The following CDC20B variants were observed in gnomAD, a reference collection of about 807,000 sequenced individuals.
The protein encoded by CDC20B is cell division cycle protein 20 homolog B.
Under a neutral mutation model 64.1 loss-of-function variants are expected in CDC20B, and 58 were observed. The ratio of observed to expected loss-of-function variants is 0.90; its 90% confidence interval spans 0.73 to 1.13. The LOEUF (loss-of-function observed/expected upper bound fraction) is 1.13, where lower values mean the gene tolerates loss of function less well. CDC20B is among the 50% of genes most tolerant of loss of function. The pLI, the probability that CDC20B is intolerant of heterozygous loss-of-function variation, is 0.00. For synonymous variants in CDC20B, 243 were observed against 230.6 expected (o/e 1.05, Z -0.49); for missense variants, 597 against 633.0 (o/e 0.94, Z 0.61).
At chr5:55,159,284 T>G (rs1210377651) in intron 2 of CDC20B, among the ~76,000 whole-genome samples, 1 of 152,232 alleles carries the variant, frequency 6.6e-6, no homozygotes, top group Admixed American at 6.5e-5. Flanking sequence ...CCCAAAGTGC[T>G]GGGATTACAG....
In CDC20B at chr5:55,114,830, G is replaced by C. The variant is rs1402493723; in HGVS notation, c.1460-512C>G. Among the ~76,000 whole-genome samples the C allele has an allele frequency of 2.0e-5, 3 of 152,154 alleles. No individual in the cohort carries two copies. The highest frequency in any genetic ancestry group is 4.4e-5 in the Non-Finnish European group (3 of 68,018). On this transcript the variant is annotated intron_variant, in intron 11 of 11. Transcript: ENST00000381375. The surrounding 1 kb of genome is among the most constrained non-coding windows in gnomAD (Gnocchi z 4.1). ...CTTGCCATTGGATTTAGGGCCACCT[G>C]GATAATCCAGGATGATTTTATTTCC...
chr5:55,173,003 C>G lies in CDC20B; in HGVS notation c.-3G>C. The G allele has an allele frequency of 6.2e-7, 1 of 1,610,662 alleles. No individual in the cohort carries two copies. Among genetic ancestry groups the G allele is most frequent in the East Asian group, 2.2e-5 (1 of 44,752 alleles). On this transcript the variant is annotated 5_prime_UTR_variant, in exon 1 of 12. Transcript: ENST00000381375. The stretch of plus-strand genomic sequence containing the variant: ...GTGCGCTCCAGTTTCCACTCCATCT[C>G]CGGCTGACTTCGCCCTGCCTGGCGT...
Position 55,114,345 on chromosome 5 carries a change from T to TGG in CDC20B, c.1460-28_1460-27insCC. On this transcript the variant is annotated intron_variant, in intron 11 of 11. Coordinates refer to ENST00000381375, the MANE Select transcript of CDC20B (RefSeq NM_001170402.1). The surrounding 1 kb of genome is among the most constrained non-coding windows in gnomAD (Gnocchi z 4.1). Reference sequence around the variant, plus strand: ...TGGGGGAAGAAGGAAAGACAGTTCATACTCCTCCACGTTACATGGGCTGCT... The same window carrying TGG: ...TGGGGGAAGAAGGAAAGACAGTTCATGGACTCCTCCACGTTACATGGGCTGCT... 1 of 1,612,020 alleles carries TGG rather than the reference T, an allele frequency of 6.2e-7. No homozygotes were observed. The highest frequency in any genetic ancestry group is 1.1e-5 in the South Asian group (1 of 90,782).
chr5:55,117,293 C>T (rs1003619679), intron 11 of CDC20B, among the ~76,000 whole-genome samples: 17 of 152,218 alleles, frequency 1.1e-4, no homozygotes, highest in Middle Eastern at 3.4e-3. Flanking sequence ...TAACAGGGTA[C>T]GGCTTAGTAA....
chr5:55,150,117 A>G (rs1743620490), intron 2 of CDC20B, among the ~76,000 whole-genome samples: 2 of 152,196 alleles, frequency 1.3e-5, no homozygotes, highest in Non-Finnish European at 2.9e-5. Flanking sequence ...GGGCAACAAG[A>G]GTGAAACCCC....
intron 9 of CDC20B, 119 bp downstream of exon 9, chr5:55,124,684 G>T: frequency 1.1e-6 from 1 of 898,142 alleles, no homozygotes; most frequent in Non-Finnish European, 1.7e-6. Context: ...AAACTCCAAA[G>T]CAAATTCTAG....
chr5:55,173,144 C>T lies in CDC20B; in HGVS notation c.-144G>A, dbSNP rs1744681900. The T allele has an allele frequency of 1.6e-6, 1 of 644,894 alleles. No individual in the cohort carries two copies. Among genetic ancestry groups the T allele is most frequent in the South Asian group, 1.9e-5 (1 of 53,860 alleles). The allele number at this position is 644,894 out of a possible 1,614,324, so 39.9% of individuals were successfully genotyped here. On this transcript the variant is annotated 5_prime_UTR_variant, in exon 1 of 12. Coordinates refer to ENST00000381375, the MANE Select transcript of CDC20B (RefSeq NM_001170402.1). ...CAGGACCATTCTATTTCACCACCTC[C>T]CTCCAGGTCCCCCACTCCTCCCACC...
chr5:55,155,184 T>C (rs867992588), intron 2 of CDC20B, among the ~76,000 whole-genome samples: 1 of 152,282 alleles, frequency 6.6e-6, no homozygotes, highest in Middle Eastern at 3.4e-3. Flanking sequence ...GTTCACATCA[T>C]AGTGACATTA....
At chr5:55,117,400 C>CATACATGT (rs1742649763) in intron 11 of CDC20B, among the ~76,000 whole-genome samples, 2 of 152,164 alleles carry the variant, frequency 1.3e-5, no homozygotes, top group South Asian at 4.1e-4. Context: ...TACACAGGCA[C>CATACATGT]ATACATGTAC....
intron 9 of CDC20B, among the ~76,000 whole-genome samples, chr5:55,124,453 C>A (rs1742826648): frequency 6.6e-6 from 1 of 152,136 alleles, no homozygotes; most frequent in Non-Finnish European, 1.5e-5. Context: ...ATAAGCAGAG[C>A]CAAGAGCTAA....
Position 55,114,397 on chromosome 5 carries a change from G to T in CDC20B, c.1460-79C>A. The T allele has an allele frequency of 6.5e-7, 1 of 1,537,984 alleles. No individual in the cohort carries two copies. The highest frequency in any genetic ancestry group is 1.3e-5 in the South Asian group (1 of 78,588). ...CTCAGGACTGTAGGCAATGTAAGTT[G>T]GGGCCATGAGTCCCATCCCAGGATA... On this transcript the variant is annotated intron_variant, in intron 11 of 11. Transcript: ENST00000381375. This position sits in a 1 kb window ranked among gnomAD's most constrained non-coding sequence, Gnocchi z 4.1.
At chr5:55,172,505 TC>T (rs1321899223) in intron 2 of CDC20B, 82 bp downstream of exon 2, 15 of 1,151,470 alleles carry the variant, frequency 1.3e-5, no homozygotes, top group Middle Eastern at 2.0e-4. Flanking sequence ...AGCTCAAACT[TC>T]CTACAAATAC....
At chr5:55,150,534 G>C (rs1743634051) in intron 2 of CDC20B, among the ~76,000 whole-genome samples, 1 of 152,208 alleles carries the variant, frequency 6.6e-6, no homozygotes, top group African/African-American at 2.4e-5. Flanking sequence ...GGAGCCAAGA[G>C]GCTGAGGCCA....
At chr5:55,127,429 A>G in intron 7 of CDC20B, 78 bp from the exon 8 acceptor site, 1 of 1,069,952 alleles carries the variant, frequency 9.3e-7, no homozygotes, top group South Asian at 1.3e-5. Context: ...CTGAGAGCCA[A>G]TTACTGCTGA....
rs1161792313 is a variant in CDC20B at position 55,127,629 on chromosome 5, TTG to T, written c.895-280_895-279del. 3.3e-5 allele frequency among the ~76,000 whole-genome samples: 5 copies of T among 152,070 alleles called. No individual in the cohort carries two copies. In the South Asian group the frequency reaches 8.3e-4, roughly 25 times the overall value. On this transcript the variant is annotated intron_variant, in intron 7 of 11. Transcript: ENST00000381375. ...GGTGAATTCAATGTGCAGCCAAGGG[TTG>T]AGAATTATTACCACATTTCTAGCTC...
chr5:55,160,079 C>A, intron 2 of CDC20B: 1 of 708,510 alleles, frequency 1.4e-6, no homozygotes, highest in Non-Finnish European at 2.5e-6. Context: ...TGTTCCTTAG[C>A]AGTGAAAGCA....
chr5:55,148,512 G>A (rs1056222606), intron 2 of CDC20B, among the ~76,000 whole-genome samples: 3 of 152,100 alleles, frequency 2.0e-5, no homozygotes, highest in African/African-American at 7.2e-5. Flanking sequence ...CCAGGTGTTC[G>A]GGACCAGCCT....
chr5:55,125,564 G>A (rs2111816230), intron 8 of CDC20B, among the ~76,000 whole-genome samples: 1 of 152,258 alleles, frequency 6.6e-6, no homozygotes, highest in South Asian at 2.1e-4. Context: ...AAAACCAATT[G>A]AATGTCACAG....
At chr5:55,170,645 A>C in intron 2 of CDC20B, 1 of 534,790 alleles carries the variant, frequency 1.9e-6, no homozygotes, top group South Asian at 1.4e-5. Flanking sequence ...CTTCATTGAC[A>C]AGAAGAATTT....
Sources: gnomAD v4.1 joint callset for allele counts (sites outside exome capture counted in the v4.1 genomes callset) on GRCh38, gnomAD v4.1.1 for gene constraint, Gnocchi (gnomAD v3.1) non-coding constraint, MANE v1.5 for transcripts, NCBI Gene and HGNC (gene_info 2026-07-23, HGNC 2026-07-21) for gene names.